TMED9: variants seen among roughly 807,000 people sequenced by gnomAD.
TMED9 encodes the protein transmembrane p24 trafficking protein 9.
A neutral mutation model predicts 30.6 loss-of-function variants in TMED9; 22 were observed. The ratio of observed to expected loss-of-function variants is 0.72; its 90% CI spans 0.51 to 1.03. The LOEUF (loss-of-function observed/expected upper bound fraction) is 1.03. TMED9 is among the 50% of genes least tolerant of loss of function. TMED9 has a pLI of 0.00. For missense variants in TMED9, 251 were observed against 302.1 expected, an observed-to-expected ratio of 0.83 and a Z score of 1.25; for synonymous variants, 146 against 122.8, an observed-to-expected ratio of 1.19 and a Z score of -1.25.
At chr5:177,593,855 G>A (rs1767636906) in intron 3 of TMED9, 80 bp downstream of exon 3, 7 of 1,571,948 alleles carry the variant, frequency 4.5e-6, no homozygotes, top group Non-Finnish European at 6.1e-6. Context: ...TGCTGTGGGT[G>A]TGAGAGGATT....
Position 177,592,411 on chromosome 5 carries a change from G to A in TMED9, c.184+13G>A, listed in dbSNP as rs1201329866. The A allele has an allele frequency of 6.3e-7, 1 of 1,587,100 alleles. No individual in the cohort carries two copies. The highest frequency in any genetic ancestry group is 8.6e-7 in the Non-Finnish European group (1 of 1,166,240). On this transcript the variant is annotated intron_variant, in intron 1 of 4. Coordinates refer to ENST00000332598, the MANE Select transcript of TMED9 (RefSeq NM_017510.6). Reference sequence around the variant, plus strand: ...ACCATGGTCATAGGTGCGGGGGCGGGGAGGAAGGGGCGAGTTTGGAACGTG... The same window carrying A: ...ACCATGGTCATAGGTGCGGGGGCGGAGAGGAAGGGGCGAGTTTGGAACGTG...
Position 177,592,314 on chromosome 5 carries a change from CGCGGAA to C in TMED9, c.104_109del (p.Gly35_Ser36del). Reference sequence around the variant, plus strand: ...CCTGCTGGTGCTGTGGCTGGCGACGCGCGGAAGCGCGCTCTACTTTCACATCGGAGA... The same window carrying C: ...CCTGCTGGTGCTGTGGCTGGCGACGCGCGCGCTCTACTTTCACATCGGAGA... On this transcript the variant is annotated inframe_deletion, in exon 1 of 5. Transcript: ENST00000332598. 1 of 1,605,934 alleles carries C rather than the reference CGCGGAA, an allele frequency of 6.2e-7. No homozygotes were observed.
chr5:177,592,267 T>A lies in TMED9; in HGVS notation c.53T>A (p.Leu18Gln), dbSNP rs777875445. 2.5e-6 allele frequency: 4 copies of A among 1,611,700 alleles called. No homozygotes were observed. In the African/African-American group the frequency reaches 5.3e-5, roughly 22 times the overall value. Residue 18 changes from leucine to glutamine, a missense_variant, in exon 1 of 5, where the codon CTG becomes CAG. By Grantham distance (113) the Leu-to-Gln change is moderately radical. Around this residue, in one of 2 missense-constraint regions of TMED9, gnomAD observed 98 missense variants for 62.5 expected, o/e 1.57. Transcript: ENST00000332598. ...LLVRPRPGTG[L>Q]GRVMRTLLLV... Reference sequence around the variant, plus strand: ...GTCCGGCCCCGGCCCGGAACCGGGCTGGGTAGAGTGATGCGGACCCTCCTG... The same window carrying A: ...GTCCGGCCCCGGCCCGGAACCGGGCAGGGTAGAGTGATGCGGACCCTCCTG...
chr5:177,594,559 C>G (rs1767650483), intron 4 of TMED9, among the ~76,000 whole-genome samples: 1 of 152,168 alleles, frequency 6.6e-6, no homozygotes, highest in African/African-American at 2.4e-5. Flanking sequence ...CACATGCTCC[C>G]AGGACCAGGG....
chr5:177,593,541 G>T (rs533804713), intron 2 of TMED9, 109 bp from the exon 3 acceptor site: 128 of 1,378,616 alleles, frequency 9.3e-5, no homozygotes, highest in Admixed American at 6.6e-4. Context: ...GTTGTGAGGT[G>T]CGAAAGGCTG....
chr5:177,595,831 C>T lies in TMED9; in HGVS notation c.*415C>T, dbSNP rs1767680484. 1 of 154,490 alleles carries T rather than the reference C, an allele frequency of 6.5e-6. No homozygotes were observed. The highest frequency in any genetic ancestry group is 2.0e-4 in the South Asian group (1 of 5,096). 9.6% of individuals were successfully genotyped at this position (154,490 alleles called of 1,614,324 possible). ...TGGTGCCTGTCATACCCACCTGCCA[C>T]CCTGGGAACCTCACTGTTCTCTCTT... On this transcript the variant is annotated 3_prime_UTR_variant, in exon 5 of 5. Coordinates refer to ENST00000332598, the MANE Select transcript of TMED9 (RefSeq NM_017510.6).
intron 3 of TMED9, 66 bp downstream of exon 3, chr5:177,593,841 G>A: frequency 1.3e-6 from 2 of 1,593,928 alleles, no homozygotes; most frequent in South Asian, 1.1e-5. Context: ...TGGGGGACTG[G>A]TGGTGCTGTG....
At position 177,592,418 on chromosome 5, in the gene TMED9, G is replaced by A. The variant is rs1244326867; in HGVS notation, c.184+20G>A. The stretch of plus-strand genomic sequence containing the variant: ...TCATAGGTGCGGGGGCGGGGAGGAA[G>A]GGGCGAGTTTGGAACGTGACCGTGG... On this transcript the variant is annotated intron_variant, in intron 1 of 4. Transcript: ENST00000332598. 2 of 1,582,696 alleles carry A rather than the reference G, an allele frequency of 1.3e-6. No homozygotes were observed. The highest frequency in any genetic ancestry group is 3.7e-5 in the Admixed American group (2 of 54,794).
chr5:177,595,210 G>C, intron 4 of TMED9, 57 bp from the exon 5 acceptor site: 1 of 1,464,244 alleles, frequency 6.8e-7, no homozygotes, highest in Non-Finnish European at 9.1e-7. Context: ...CTTGGTCTGG[G>C]AATCAGCAGT....
Position 177,593,707 on chromosome 5 carries a change from C to G in TMED9, c.343C>G (p.Pro115Ala). 1 of 1,614,192 alleles carries G rather than the reference C, an allele frequency of 6.2e-7. No individual in the cohort carries two copies. Among genetic ancestry groups the G allele is most frequent in the Non-Finnish European group, 8.5e-7 (1 of 1,180,028 alleles). ...EGRFTFTSHT[P>A]GEHQICLHSN... ...CAGGTTCACTTTCACTTCCCATACC[C>G]CTGGTGAGCACCAGATCTGTCTTCA... The change falls in exon 3 of 5, where the codon CCT becomes GCT. Residue 115 changes from proline to alanine, a missense_variant. Transcript: ENST00000332598.
intron 4 of TMED9, 73 bp downstream of exon 4, chr5:177,594,358 T>G: frequency 6.4e-7 from 1 of 1,556,858 alleles, no homozygotes; most frequent in Non-Finnish European, 8.7e-7. Context: ...AATTTCACAT[T>G]AAATTCATTC....
intron 2 of TMED9, among the ~76,000 whole-genome samples, chr5:177,592,971 C>A (rs768235404): frequency 6.6e-6 from 1 of 151,998 alleles, no homozygotes; most frequent in Non-Finnish European, 1.5e-5. Context: ...TTAAAACGAA[C>A]GGCAAAACCC....
chr5:177,596,977 CCTT>C lies in TMED9; in HGVS notation c.*1564_*1566del, dbSNP rs1408238894. ...AATGGGCAGGCAGTTTTGAGAAGAA[CCTT>C]CTAATAAGAAATGTGAGGGAGGTTA... On this transcript the variant is annotated 3_prime_UTR_variant, in exon 5 of 5. Coordinates refer to ENST00000332598, the MANE Select transcript of TMED9 (RefSeq NM_017510.6). Among the ~76,000 whole-genome samples the C allele has an allele frequency of 1.3e-5, 2 of 152,018 alleles. No homozygotes were observed. The highest frequency in any genetic ancestry group is 2.9e-5 in the Non-Finnish European group (2 of 68,000).
intron 2 of TMED9, 69 bp from the exon 3 acceptor site, chr5:177,593,581 C>T: frequency 6.3e-7 from 1 of 1,592,672 alleles, no homozygotes; most frequent in East Asian, 2.2e-5. Flanking sequence ...TACTTAGAGC[C>T]TTAAGCACTG....
intron 4 of TMED9, among the ~76,000 whole-genome samples, chr5:177,594,582 C>T (rs916739558): frequency 6.6e-6 from 1 of 152,128 alleles, no homozygotes; most frequent in African/African-American, 2.4e-5. Context: ...TCAAACTTAC[C>T]GGTGACCAGG....
At position 177,592,577 on chromosome 5, in the gene TMED9, A is replaced by G. The variant is rs1767608681; in HGVS notation, c.187A>G (p.Asn63Asp). The G allele has an allele frequency of 6.2e-7, 1 of 1,612,862 alleles. No individual in the cohort carries two copies. The highest frequency in any genetic ancestry group is 1.1e-5 in the South Asian group (1 of 90,738). Residue 63 changes from asparagine (N) to aspartate (D), a missense_variant and splice_region_variant, in exon 2 of 5, where the codon AAC becomes GAC. Physicochemically the swap from Asn to Asp is conservative, Grantham distance 23 (BLOSUM62 1). Transcript: ENST00000332598. ...GGGCTCGCCCTGCTTCCCTCAAGGA[A>G]ACTACCGGACGCAGCTGTATGACAA... The part of the protein sequence containing the change: ...EIPDETMVIG[N>D]YRTQLYDKQR...
In TMED9 at chr5:177,592,340, C is replaced by T. The variant is rs1243012855; in HGVS notation, c.126C>T (p.Ile42=). ...GCGGAAGCGCGCTCTACTTTCACAT[C>T]GGAGAGACGGAGAAGAAGTGCTTTA... The part of the protein sequence containing the change: ...ATRGSALYFH[I]GETEKKCFIE... The change falls in exon 1 of 5, where the codon ATC becomes ATT. Residue 42 remains isoleucine (I), a synonymous_variant. Transcript: ENST00000332598. 1 of 1,604,882 alleles carries T rather than the reference C, an allele frequency of 6.2e-7. No homozygotes were observed. Among genetic ancestry groups the T allele is most frequent in the Non-Finnish European group, 8.5e-7 (1 of 1,176,006 alleles).
Position 177,592,204 on chromosome 5 carries a change from G to GGTGGAGCAAGATGGCT in TMED9, c.-3_13dup, listed in dbSNP as rs1438118867. 3.2e-6 allele frequency: 5 copies of GGTGGAGCAAGATGGCT among 1,585,608 alleles called. No individual in the cohort carries two copies. Among genetic ancestry groups the GGTGGAGCAAGATGGCT allele is most frequent in the African/African-American group, 1.4e-5 (1 of 73,392 alleles). On this transcript the variant is annotated 5_prime_UTR_variant, in exon 1 of 5. It adds an upstream start codon to the 5' untranslated region. Transcript: ENST00000332598. ...GCGGCCGGCTGCGGCTGCGCAGGCA[G>GGTGGAGCAAGATGGCT]GTGGAGCAAGATGGCTGTGGAGCTG...
At chr5:177,594,328 T>C in intron 4 of TMED9, 43 bp downstream of exon 4, 1 of 1,604,954 alleles carries the variant, frequency 6.2e-7, no homozygotes, top group South Asian at 1.1e-5. Flanking sequence ...CCCTAGAAGC[T>C]GCCCACTGGC....
Sources: allele counts gnomAD v4.1 joint callset (sites outside exome capture counted in the v4.1 genomes callset), GRCh38; gene constraint gnomAD v4.1.1; regional missense constraint gnomAD v4.1.1; transcripts MANE v1.5; gene names NCBI Gene and HGNC (gene_info 2026-07-23, HGNC 2026-07-21).